Variants in COL19A1 observed in about 807,000 individuals in gnomAD.
COL19A1 encodes the protein collagen type XIX alpha 1 chain.
In COL19A1, 159 loss-of-function variants were observed where a neutral mutation model predicts 190.2. That is an observed-to-expected ratio of 0.84 (90% CI 0.73 to 0.95). COL19A1 has a LOEUF of 0.95. Among genes scored for constraint, COL19A1 ranks in the 40% least tolerant of loss-of-function variants. The pLI is 0.00. For missense variants in COL19A1, 1,418 were observed against 1,431.9 expected (o/e 0.99, Z 0.16); for synonymous variants, 509 against 458.9 (o/e 1.11, Z -1.39).
At chr6:70,175,701 C>T (rs1371948121) in intron 41 of COL19A1, among the ~76,000 whole-genome samples, 1 of 151,206 alleles carries the variant, frequency 6.6e-6, no homozygotes, top group East Asian at 1.9e-4. Context: ...TTTTTTTATC[C>T]TCTCAGTTAT....
chr6:70,064,450 G>A lies in COL19A1; in HGVS notation c.1171-3973G>A, dbSNP rs1279099052. On this transcript the variant is annotated intron_variant, in intron 14 of 50. Coordinates refer to ENST00000620364, the MANE Select transcript of COL19A1 (RefSeq NM_001858.6). ...AACTCTCAATAAATTAGGTATTGATGGGACGTATCTCAAAATAATAAGAGC... is the reference window on the plus strand; with the variant it reads ...AACTCTCAATAAATTAGGTATTGATAGGACGTATCTCAAAATAATAAGAGC... 2.6e-5 allele frequency among the ~76,000 whole-genome samples: 4 copies of A among 152,230 alleles called. No homozygotes were observed. The East Asian group carries it at 7.7e-4, about 29-fold the overall frequency.
At chr6:70,076,315 G>A (rs999500096) in intron 15 of COL19A1, among the ~76,000 whole-genome samples, 1 of 152,070 alleles carries the variant, frequency 6.6e-6, no homozygotes, top group Non-Finnish European at 1.5e-5. Context: ...CTATTTTGTG[G>A]TATCACACTG....
At chr6:70,124,807 C>T (rs1448927149) in intron 17 of COL19A1, among the ~76,000 whole-genome samples, 2 of 152,124 alleles carry the variant, frequency 1.3e-5, no homozygotes, top group African/African-American at 4.8e-5. Flanking sequence ...AACCATTTAG[C>T]ATTAGAGGCT....
chr6:69,958,194 G>GC (rs1023745483), intron 9 of COL19A1, among the ~76,000 whole-genome samples: 2 of 152,102 alleles, frequency 1.3e-5, no homozygotes, highest in African/African-American at 4.8e-5. Flanking sequence ...GCATGAGTGG[G>GC]CTGTGAGCAA....
At chr6:70,173,698 A>AG (rs1765636022) in intron 41 of COL19A1, among the ~76,000 whole-genome samples, 2 of 152,220 alleles carry the variant, frequency 1.3e-5, no homozygotes, top group Admixed American at 1.3e-4. Context: ...AGAGAGAACG[A>AG]GGAAAAAAAA....
At chr6:69,942,732 T>TTGTGTGTGTGTGTGTGTGTG (rs1289844940) in intron 9 of COL19A1, among the ~76,000 whole-genome samples, 1 of 123,368 alleles carries the variant, frequency 8.1e-6, no homozygotes. Flanking sequence ...TGTCATTCCA[T>TTGTGTGTGTGTGTGTGTGTG]TGTGTGTATG....
At chr6:69,942,718 T>A (rs927278874) in intron 9 of COL19A1, among the ~76,000 whole-genome samples, 2 of 150,502 alleles carry the variant, frequency 1.3e-5, no homozygotes, top group African/African-American at 2.5e-5. Flanking sequence ...TTTTTATGGC[T>A]TAATGTCATT....
rs762216445 is a variant in COL19A1, at chr6:70,105,184, A to G, written c.1278+2962A>G. On this transcript the variant is annotated intron_variant, in intron 16 of 50. Transcript: ENST00000620364. Reference sequence around the variant, plus strand: ...AATTTGTTAGAAAAATTAGGAAAAAATCTATGCAGAAGACAAAGTGTTTAC... The same window carrying G: ...AATTTGTTAGAAAAATTAGGAAAAAGTCTATGCAGAAGACAAAGTGTTTAC... 3.3e-5 allele frequency among the ~76,000 whole-genome samples: 5 copies of G among 152,174 alleles called. No individual in the cohort carries two copies. The South Asian group carries it at 1.0e-3, about 32-fold the overall frequency.
At chr6:70,049,925 A>T (rs1226568984) in intron 14 of COL19A1, among the ~76,000 whole-genome samples, 4 of 152,218 alleles carry the variant, frequency 2.6e-5, no homozygotes, top group East Asian at 3.9e-4. Flanking sequence ...CCTTATATTG[A>T]TATATTAAAT....
intron 7 of COL19A1, among the ~76,000 whole-genome samples, chr6:69,934,870 T>C (rs1773000609): frequency 1.3e-5 from 2 of 152,050 alleles, no homozygotes; most frequent in African/African-American, 4.8e-5. Flanking sequence ...TAAATGCATC[T>C]GCTCTACTTC....
chr6:69,922,410 A>G (rs116668142), intron 4 of COL19A1, among the ~76,000 whole-genome samples: 2,282 of 150,930 alleles, frequency 0.015, 63 homozygotes, highest in African/African-American at 0.046. Flanking sequence ...GAAACTACTC[A>G]TGAGATGCAA....
intron 2 of COL19A1, among the ~76,000 whole-genome samples, chr6:69,889,661 T>C (rs1769197633): frequency 6.6e-6 from 1 of 152,160 alleles, no homozygotes; most frequent in Admixed American, 6.5e-5. Flanking sequence ...GCGCTCTGTG[T>C]CTAGCTAAAG....
chr6:70,054,342 C>T (rs1780376476), intron 14 of COL19A1, among the ~76,000 whole-genome samples: 1 of 152,166 alleles, frequency 6.6e-6, no homozygotes, highest in African/African-American at 2.4e-5. Context: ...AAGAGCGAAA[C>T]TCCTCTCAAA....
At chr6:69,900,689 A>G (rs1167094049) in intron 4 of COL19A1, among the ~76,000 whole-genome samples, 1 of 152,164 alleles carries the variant, frequency 6.6e-6, no homozygotes, top group Admixed American at 6.5e-5. Context: ...ATTCAGAGCC[A>G]AAAGACTGAT....
At chr6:69,909,109 C>G (rs1405551913) in intron 4 of COL19A1, among the ~76,000 whole-genome samples, 1 of 152,080 alleles carries the variant, frequency 6.6e-6, no homozygotes, top group African/African-American at 2.4e-5. Context: ...CCCAAAAAAG[C>G]CTCACATAAA....
chr6:69,910,458 T>C (rs1417300052), intron 4 of COL19A1, among the ~76,000 whole-genome samples: 1 of 152,168 alleles, frequency 6.6e-6, no homozygotes, highest in East Asian at 1.9e-4. Context: ...AAATCCAGAA[T>C]TAATTTCTAC....
chr6:70,005,248 C>A (rs893328999), intron 11 of COL19A1, among the ~76,000 whole-genome samples: 31 of 152,126 alleles, frequency 2.0e-4, no homozygotes, highest in Non-Finnish European at 4.0e-4. Context: ...TTTGAGTTTT[C>A]AACATTTTTT....
chr6:70,113,460 T>C (rs1784390982), intron 16 of COL19A1, among the ~76,000 whole-genome samples: 1 of 152,196 alleles, frequency 6.6e-6, no homozygotes, highest in Non-Finnish European at 1.5e-5. Flanking sequence ...TCCACTGCAA[T>C]TTCATGCTCC....
In COL19A1 at chr6:70,209,569, G is replaced by T. The variant is rs927305973; in HGVS notation, c.*2295G>T. ...AGAAATCTTTCTAAATACCATTAAG[G>T]CTTGACTGGTTAATTCCTATTTCAA... On this transcript the variant is annotated 3_prime_UTR_variant, in exon 51 of 51. Transcript: ENST00000620364. 1 of 151,862 alleles carries T rather than the reference G, an allele frequency of 6.6e-6. No individual in the cohort carries two copies. Among genetic ancestry groups the T allele is most frequent in the African/African-American group, 2.4e-5 (1 of 41,340 alleles). The allele number at this position is 151,862 out of a possible 1,614,324, so 9.4% of individuals were successfully genotyped here.
Sources: allele counts gnomAD v4.1 joint callset (sites outside exome capture counted in the v4.1 genomes callset), GRCh38; gene constraint gnomAD v4.1.1; transcripts MANE v1.5; gene names NCBI Gene and HGNC (gene_info 2026-07-23, HGNC 2026-07-21).